Variants in ABHD2 observed in about 807,000 individuals in gnomAD.
ABHD2 encodes the protein abhydrolase domain containing 2, acylglycerol lipase, also known as monoacylglycerol lipase ABHD2.
A neutral mutation model predicts 48.1 loss-of-function variants in ABHD2; 20 were observed. The observed-to-expected ratio is 0.42, with a 90% CI of 0.29 to 0.60. ABHD2 has a LOEUF of 0.60. ABHD2 is among the 20% of genes least tolerant of loss of function. The pLI is 0.24. For missense variants in ABHD2, 405 were observed against 550.9 expected, an observed-to-expected ratio of 0.74 and a Z score of 2.65; for synonymous variants, 209 against 214.2, an observed-to-expected ratio of 0.98 and a Z score of 0.21.
intron 6 of ABHD2, chr15:89,183,376 AAAAAAAAAATATATATATAT>A (rs2051145927): frequency 1.3e-5 from 1 of 75,872 alleles, no homozygotes; most frequent in Non-Finnish European, 2.8e-5. Context: ...TTCAAAAAAA[AAAAAAAAAATATATATATAT>A]ATATATATAT....
chr15:89,108,530 T>C (rs2049823326), intron 1 of ABHD2, among the ~76,000 whole-genome samples: 1 of 152,230 alleles, frequency 6.6e-6, no homozygotes, highest in Non-Finnish European at 1.5e-5. Context: ...CAGATGGACA[T>C]GAATTTTGTG....
In ABHD2 at chr15:89,155,164, A is replaced by T. The variant is rs2050651540; in HGVS notation, c.371-203A>T. On this transcript the variant is annotated intron_variant, in intron 4 of 10. Coordinates refer to ENST00000352732, the MANE Select transcript of ABHD2 (RefSeq NM_152924.5). This position sits in a 1 kb window ranked among gnomAD's most constrained non-coding sequence, Gnocchi z 4.9. ...TTCATGACTTACTGGACATTTTCAA[A>T]ACAAACCCTTCACTATAAATAGCTT... Among the ~76,000 whole-genome samples the T allele has an allele frequency of 6.6e-6, 1 of 152,224 alleles. No individual in the cohort carries two copies.
At chr15:89,190,094 C>G (rs1173548546) in intron 8 of ABHD2, among the ~76,000 whole-genome samples, 2 of 152,176 alleles carry the variant, frequency 1.3e-5, no homozygotes, top group Non-Finnish European at 2.9e-5. Context: ...CCTGAGCTTT[C>G]CAGGCCATTC....
chr15:89,061,513 A>G, the ABHD2 span, among the ~76,000 whole-genome samples: 2 of 152,182 alleles, frequency 1.3e-5, no homozygotes, highest in East Asian at 1.9e-4. Flanking sequence ...GCATTATACA[A>G]TATAACTCAT....
intron 3 of ABHD2, among the ~76,000 whole-genome samples, chr15:89,147,503 G>A (rs913781662): frequency 7.9e-5 from 12 of 151,346 alleles, no homozygotes; most frequent in South Asian, 4.2e-4. Context: ...ACAGGTGCCC[G>A]CCACCACGCC....
At position 89,106,460 on chromosome 15, in the gene ABHD2, G is replaced by A. The variant is rs2049787647; in HGVS notation, c.-106-7265G>A. The A allele has an allele frequency of 6.6e-6, 1 of 152,226 alleles. No homozygotes were observed. Among genetic ancestry groups the A allele is most frequent in the African/African-American group, 2.4e-5 (1 of 41,420 alleles). The allele number at this position is 152,226 out of a possible 1,614,324, so 9.4% of individuals were successfully genotyped here. On this transcript the variant is annotated intron_variant, in intron 1 of 10. Coordinates refer to ENST00000352732, the MANE Select transcript of ABHD2 (RefSeq NM_152924.5). The surrounding 1 kb of genome is among the most constrained non-coding windows in gnomAD (Gnocchi z 4.2). ...CTCACCTCATTAGACCTTACCGAGA[G>A]TGAGAACAGGGCCGGGTCGCCAGGG...
Position 89,201,674 on chromosome 15 carries a change from C to G in ABHD2, c.*6251C>G. 1 of 1,608,492 alleles carries G rather than the reference C, an allele frequency of 6.2e-7. No individual in the cohort carries two copies. The highest frequency in any genetic ancestry group is 8.5e-7 in the Non-Finnish European group (1 of 1,174,848). ...TCACTTTGAAACACACTTTTCTATCCGATGGATTTCGCAATTTAAGATTTG... is the reference window on the plus strand; with the variant it reads ...TCACTTTGAAACACACTTTTCTATCGGATGGATTTCGCAATTTAAGATTTG... On this transcript the variant is annotated 3_prime_UTR_variant, in exon 11 of 11. Coordinates refer to ENST00000352732, the MANE Select transcript of ABHD2 (RefSeq NM_152924.5).
At position 89,195,512 on chromosome 15, in the gene ABHD2, G is replaced by C; in HGVS notation, c.*89G>C. 7.1e-7 allele frequency: 1 copy of C among 1,416,398 alleles called. No individual in the cohort carries two copies. The highest frequency in any genetic ancestry group is 9.5e-7 in the Non-Finnish European group (1 of 1,053,864). 87.7% of individuals were successfully genotyped at this position (1,416,398 alleles called of 1,614,324 possible). A position where few individuals can be genotyped will look rare whatever the true frequency, so the allele number is the denominator to read the frequency against. Reference sequence around the variant, plus strand: ...TTTCAGGTCTCCCATCTCCCTCAGTGACCTGGATCTGACCTCACACCATCA... The same window carrying C: ...TTTCAGGTCTCCCATCTCCCTCAGTCACCTGGATCTGACCTCACACCATCA... On this transcript the variant is annotated 3_prime_UTR_variant, in exon 11 of 11. Coordinates refer to ENST00000352732, the MANE Select transcript of ABHD2 (RefSeq NM_152924.5). This position sits in a 1 kb window ranked among gnomAD's most constrained non-coding sequence, Gnocchi z 5.1.
chr15:89,074,947 C>G, the ABHD2 span, among the ~76,000 whole-genome samples: 51 of 152,146 alleles, frequency 3.4e-4, no homozygotes, highest in Non-Finnish European at 6.2e-4. Context: ...CTGGCTTCTC[C>G]TTAACCCTCA....
At position 89,137,566 on chromosome 15, in the gene ABHD2, C is replaced by T. The variant is rs116469281; in HGVS notation, c.195-14111C>T. ...AGTTCGGGAACGGAAGAGGATTGCT[C>T]TTTTGTTTCCTCAGGCCACTTTTGG... On this transcript the variant is annotated intron_variant, in intron 3 of 10. Transcript: ENST00000352732. The surrounding 1 kb of genome is among the most constrained non-coding windows in gnomAD (Gnocchi z 4.8). Among the ~76,000 whole-genome samples the T allele has an allele frequency of 8.8e-3, 1,336 of 152,268 alleles. 14 individuals are homozygous for T. The highest frequency in any genetic ancestry group is 0.029 in the African/African-American group (1,221 of 41,530).
Position 89,201,132 on chromosome 15 carries a change from G to A in ABHD2, c.*5709G>A. Reference sequence around the variant, plus strand: ...AAAATGGCTGCAATTACAACAAGAAGTGAAGGAAGAAGACTGGTGACATCT... The same window carrying A: ...AAAATGGCTGCAATTACAACAAGAAATGAAGGAAGAAGACTGGTGACATCT... On this transcript the variant is annotated 3_prime_UTR_variant, in exon 11 of 11. Coordinates refer to ENST00000352732, the MANE Select transcript of ABHD2 (RefSeq NM_152924.5). 8.3e-7 allele frequency: 1 copy of A among 1,198,850 alleles called. No homozygotes were observed. Among genetic ancestry groups the A allele is most frequent in the Non-Finnish European group, 1.2e-6 (1 of 804,512 alleles). 74.3% of individuals were successfully genotyped at this position (1,198,850 alleles called of 1,614,324 possible).
At position 89,118,682 on chromosome 15, in the gene ABHD2, A is replaced by G. The variant is rs183566657; in HGVS notation, c.194+2161A>G. Among the ~76,000 whole-genome samples, 6 of 152,290 alleles carry G rather than the reference A, an allele frequency of 3.9e-5. No homozygotes were observed. In the East Asian group the frequency reaches 1.2e-3, roughly 29 times the overall value. Reference sequence around the variant, plus strand: ...TCCACCCAGCATTGGTTCCTGAGTAATTAGAGGAAGGAAGCCATGCAAAAG... The same window carrying G: ...TCCACCCAGCATTGGTTCCTGAGTAGTTAGAGGAAGGAAGCCATGCAAAAG... On this transcript the variant is annotated intron_variant, in intron 3 of 10. Transcript: ENST00000352732.
rs1054172478 is a variant in ABHD2 at position 89,094,352 on chromosome 15, G to C, written c.-107+5789G>C. The stretch of plus-strand genomic sequence containing the variant: ...ACTGTTTACTTAGTCATGTCAATGA[G>C]GGCAATAAAAAACAAAAATCAGGAA... On this transcript the variant is annotated intron_variant, in intron 1 of 10. Coordinates refer to ENST00000352732, the MANE Select transcript of ABHD2 (RefSeq NM_152924.5). The surrounding 1 kb of genome is among the most constrained non-coding windows in gnomAD (Gnocchi z 4.7). 1.3e-5 allele frequency: 2 copies of C among 152,116 alleles called. No individual in the cohort carries two copies. The highest frequency in any genetic ancestry group is 4.8e-5 in the African/African-American group (2 of 41,418). 9.4% of individuals were successfully genotyped at this position (152,116 alleles called of 1,614,324 possible). A position where few individuals can be genotyped will look rare whatever the true frequency, so the allele number is the denominator to read the frequency against.
intron 3 of ABHD2, among the ~76,000 whole-genome samples, chr15:89,118,334 C>T (rs1057239307): frequency 2.4e-4 from 37 of 152,112 alleles, no homozygotes; most frequent in South Asian, 4.2e-4. Flanking sequence ...CGTGCCACCA[C>T]GCCCAGCTAA....
intron 5 of ABHD2, among the ~76,000 whole-genome samples, chr15:89,158,251 G>A (rs1245910916): frequency 3.3e-5 from 5 of 152,230 alleles, no homozygotes; most frequent in Admixed American, 2.0e-4. Context: ...GAGGTTAAGT[G>A]ATTTGGGCAA....
chr15:89,114,553 G>T lies in ABHD2; in HGVS notation c.-7+729G>T, dbSNP rs1389461654. On this transcript the variant is annotated intron_variant, in intron 2 of 10. Transcript: ENST00000352732. This position sits in a 1 kb window ranked among gnomAD's most constrained non-coding sequence, Gnocchi z 4.2. ...GCTGGAGTGCAGTGGTGTGATCTTG[G>T]CTCACTGCAACCTATGCTTTCCGGG... 6.6e-6 allele frequency among the ~76,000 whole-genome samples: 1 copy of T among 152,094 alleles called. No homozygotes were observed. Among genetic ancestry groups the T allele is most frequent in the East Asian group, 1.9e-4 (1 of 5,188 alleles).
chr15:89,058,359 C>G, the ABHD2 span, among the ~76,000 whole-genome samples: 33,844 of 152,076 alleles, frequency 0.22, 4,068 homozygotes, highest in Non-Finnish European at 0.27. Flanking sequence ...CTCCTAGTAC[C>G]TAGCATGTGA....
At chr15:89,049,148 G>T in the ABHD2 span, among the ~76,000 whole-genome samples, 1 of 152,094 alleles carries the variant, frequency 6.6e-6, no homozygotes, top group Non-Finnish European at 1.5e-5. Context: ...CCGGCCGGCC[G>T]TGTGAGGTGT....
intron 3 of ABHD2, among the ~76,000 whole-genome samples, chr15:89,143,077 C>T (rs2050431110): frequency 6.6e-6 from 1 of 151,990 alleles, no homozygotes. Flanking sequence ...ACTACAAAGA[C>T]TGGAGTCATT....
Sources: allele counts gnomAD v4.1 joint callset (sites outside exome capture counted in the v4.1 genomes callset), GRCh38; gene constraint gnomAD v4.1.1; non-coding constraint Gnocchi (gnomAD v3.1); transcripts MANE v1.5; gene names NCBI Gene and HGNC (gene_info 2026-07-23, HGNC 2026-07-21).